HMCN1: variants seen among roughly 807,000 people sequenced by gnomAD.
HMCN1 encodes hemicentin-1.
HMCN1 carries 321 observed loss-of-function variants against 625.9 expected under a neutral mutation model. The observed-to-expected ratio is 0.51, with a 90% CI of 0.47 to 0.56. The LOEUF is 0.56. HMCN1 is among the 20% of genes least tolerant of loss of function. HMCN1 has a pLI of 0.00. For synonymous variants in HMCN1, 2,425 were observed against 2,417.6 expected, an observed-to-expected ratio of 1.00 and a Z score of -0.09; for missense variants, 6,588 against 6,887.3, an observed-to-expected ratio of 0.96 and a Z score of 1.54.
At chr1:186,001,190 C>G (rs1258059921) in intron 26 of HMCN1, 108 bp from the exon 27 acceptor site, 2 of 968,810 alleles carry the variant, frequency 2.1e-6, no homozygotes, top group South Asian at 1.4e-5. Flanking sequence ...TCTAGCTTTT[C>G]TAGCCATCAA....
intron 39 of HMCN1, 82 bp downstream of exon 39, chr1:186,039,961 G>T (rs1415251701): frequency 1.1e-5 from 15 of 1,340,608 alleles, no homozygotes; most frequent in Admixed American, 1.0e-4. Flanking sequence ...CTGTTGAAGA[G>T]ATTTAGAGAA....
intron 48 of HMCN1, 31 bp downstream of exon 48, chr1:186,062,631 TC>T: frequency 2.1e-6 from 3 of 1,410,740 alleles, no homozygotes; most frequent in Non-Finnish European, 2.0e-6. Flanking sequence ...CTTTTGGTGC[TC>T]CCCCCACTCA....
rs369735007 is a variant in HMCN1, at chr1:185,968,480, TTATATA to T, written c.2213-1844_2213-1839del. 2.8e-3 allele frequency among the ~76,000 whole-genome samples: 412 copies of T among 149,324 alleles called. 3 individuals are homozygous for T. The highest frequency in any genetic ancestry group is 9.6e-3 in the African/African-American group (392 of 40,980). ...TAATTTCTCAGTTTTATTTCTAAAA[TTATATA>T]TATATATATAAATTACAAATAAACA... On this transcript the variant is annotated intron_variant, in intron 14 of 106. Transcript: ENST00000271588.
intron 3 of HMCN1, 107 bp from the exon 4 acceptor site, chr1:185,865,634 C>CAA: frequency 1.2e-5 from 9 of 763,704 alleles, no homozygotes; most frequent in Non-Finnish European, 2.0e-5. Flanking sequence ...CACACACATT[C>CAA]ACATATTCTA....
chr1:185,845,117 C>T lies in HMCN1; in HGVS notation c.269-909C>T, dbSNP rs545116548. On this transcript the variant is annotated intron_variant, in intron 1 of 106. Coordinates refer to ENST00000271588, the MANE Select transcript of HMCN1 (RefSeq NM_031935.3). The stretch of plus-strand genomic sequence containing the variant: ...GGTCAAAGCCAGCTTAGGAGAATGG[C>T]GATAGCCAGGCTCAGCCACCCCAGC... Among the ~76,000 whole-genome samples the T allele has an allele frequency of 7.0e-4, 106 of 152,286 alleles. No homozygotes were observed. The Middle Eastern group carries it at 0.014, about 20-fold the overall frequency.
chr1:186,133,281 A>G (rs559456703), intron 86 of HMCN1, among the ~76,000 whole-genome samples: 12 of 152,346 alleles, frequency 7.9e-5, no homozygotes, highest in Non-Finnish European at 1.3e-4. Context: ...CAACATGCTT[A>G]AAAAGATTGC....
intron 98 of HMCN1, 60 bp downstream of exon 98, chr1:186,165,233 T>G: frequency 7.2e-7 from 1 of 1,385,278 alleles, no homozygotes; most frequent in Non-Finnish European, 1.0e-6. Context: ...TTGGATAGCA[T>G]TTAATGGGTA....
In HMCN1 at chr1:186,045,776, C is replaced by G. The variant is rs1246516839; in HGVS notation, c.6393C>G (p.Pro2131=). The change falls in exon 41 of 107, where the codon CCC becomes CCG. Residue 2131 remains proline, a synonymous_variant. Transcript: ENST00000271588. ...TACTATGTCAAAGTGATGCTATTCC[C>G]CCACCTACTCTTACTTGGTTAAAAG... ...VELLCQSDAI[P]PPTLTWLKDG... 2 of 1,612,078 alleles carry G rather than the reference C, an allele frequency of 1.2e-6. No homozygotes were observed. The highest frequency in any genetic ancestry group is 2.2e-5 in the East Asian group (1 of 44,778).
chr1:185,831,681 C>G (rs977912123), intron 1 of HMCN1, among the ~76,000 whole-genome samples: 1 of 151,922 alleles, frequency 6.6e-6, no homozygotes, highest in Non-Finnish European at 1.5e-5. Flanking sequence ...ATTTAAAAAT[C>G]AATAGCTTTT....
intron 1 of HMCN1, among the ~76,000 whole-genome samples, chr1:185,740,701 GGA>G (rs1653929596): frequency 6.7e-6 from 1 of 148,880 alleles, no homozygotes; most frequent in African/African-American, 2.5e-5. Context: ...GGGGGTAGGG[GGA>G]TGGGGTGGCG....
chr1:186,050,232 C>G (rs1656859322), intron 42 of HMCN1, among the ~76,000 whole-genome samples: 2 of 151,768 alleles, frequency 1.3e-5, no homozygotes, highest in Non-Finnish European at 2.9e-5. Flanking sequence ...TGAAGAATTC[C>G]TTTTTCATAT....
At chr1:185,999,362 T>G (rs1170867776) in intron 25 of HMCN1, among the ~76,000 whole-genome samples, 1 of 152,128 alleles carries the variant, frequency 6.6e-6, no homozygotes, top group Non-Finnish European at 1.5e-5. Context: ...ATATTCCTTT[T>G]GATTCTATTA....
chr1:185,975,736 C>A (rs185220470), intron 15 of HMCN1, among the ~76,000 whole-genome samples: 1 of 152,052 alleles, frequency 6.6e-6, no homozygotes, highest in South Asian at 2.1e-4. Flanking sequence ...AACACTGATA[C>A]ACGATTTATT....
chr1:185,846,103 G>A lies in HMCN1; in HGVS notation c.339+7G>A. On this transcript the variant is annotated splice_region_variant and intron_variant, in intron 2 of 106. Coordinates refer to ENST00000271588, the MANE Select transcript of HMCN1 (RefSeq NM_031935.3). ...CAGAGAACTGTATGTTCAGGTGAGT[G>A]CTTGCTTTCAGTGTTCTCTTGGGGG... The A allele has an allele frequency of 6.3e-7, 1 of 1,597,190 alleles. No individual in the cohort carries two copies.
chr1:185,820,402 G>GT (rs916664945), intron 1 of HMCN1, among the ~76,000 whole-genome samples: 5 of 151,832 alleles, frequency 3.3e-5, no homozygotes, highest in East Asian at 3.9e-4. Context: ...CCTCATTCAT[G>GT]TTTTTTTTAA....
At chr1:185,775,091 A>G (rs1037073179) in intron 1 of HMCN1, among the ~76,000 whole-genome samples, 3 of 152,222 alleles carry the variant, frequency 2.0e-5, no homozygotes, top group African/African-American at 7.2e-5. Flanking sequence ...TGCTAAGGGC[A>G]GAGTGGATTC....
chr1:185,931,672 G>T (rs1228235495), intron 10 of HMCN1, among the ~76,000 whole-genome samples: 1 of 152,134 alleles, frequency 6.6e-6, no homozygotes. Flanking sequence ...GAGGAACTGT[G>T]CTACAGCTGC....
chr1:185,991,096 G>A (rs1040975711), intron 22 of HMCN1, among the ~76,000 whole-genome samples: 1 of 152,106 alleles, frequency 6.6e-6, no homozygotes, highest in African/African-American at 2.4e-5. Flanking sequence ...GTAAGATAAT[G>A]TACATTTCAC....
intron 4 of HMCN1, among the ~76,000 whole-genome samples, chr1:185,870,976 A>G (rs1455248835): frequency 6.6e-6 from 1 of 152,144 alleles, no homozygotes; most frequent in Non-Finnish European, 1.5e-5. Flanking sequence ...TCACGTCTGT[A>G]ATCCCAGCAC....
Sources: gnomAD v4.1 joint callset for allele counts (sites outside exome capture counted in the v4.1 genomes callset) on GRCh38, gnomAD v4.1.1 for gene constraint, MANE v1.5 for transcripts, NCBI Gene and HGNC (gene_info 2026-07-23, HGNC 2026-07-21) for gene names.